PQBP1: variants seen among roughly 807,000 people sequenced by gnomAD.
PQBP1 encodes polyglutamine binding protein 1, also known as polyglutamine-binding protein 1.
In PQBP1, 3 loss-of-function variants were observed where a neutral mutation model predicts 20.9. That is an observed-to-expected ratio of 0.14 (90% CI 0.07 to 0.37). The LOEUF (loss-of-function observed/expected upper bound fraction) is 0.37. Among genes scored for constraint, PQBP1 ranks in the 10% least tolerant of loss-of-function variants. The pLI is 1.00. For synonymous variants in PQBP1, 83 were observed against 93.8 expected (o/e 0.88, Z 0.67); for missense variants, 162 against 240.3 (o/e 0.67, Z 2.16).
At chrX:48,898,146 C>T (rs917640009) in intron 1 of PQBP1, 64 bp downstream of exon 1, 1 of 1,025,324 alleles carries the variant, frequency 9.8e-7, no homozygotes, top group Non-Finnish European at 1.3e-6. Flanking sequence ...CTCCCCCATC[C>T]CAGCGCTTTG....
intron 2 of PQBP1, among the ~76,000 whole-genome samples, chrX:48,899,017 G>A (rs2063358833): frequency 2.3e-5 from 2 of 88,700 alleles, no homozygotes; most frequent in African/African-American, 8.8e-5. Context: ...TCGGTCTGTC[G>A]CCCAGGCTGG....
intron 2 of PQBP1, among the ~76,000 whole-genome samples, chrX:48,900,748 G>T (rs1314587264): frequency 9.2e-6 from 1 of 108,585 alleles, no homozygotes; most frequent in Non-Finnish European, 1.9e-5. Context: ...AGAGACAGGG[G>T]TCTCACTATG....
intron 3 of PQBP1, 161 bp downstream of exon 3, chrX:48,901,462 C>T (rs967993791): frequency 1.4e-5 from 15 of 1,053,560 alleles, no homozygotes; most frequent in South Asian, 2.1e-5. Flanking sequence ...CCTGGCTCCT[C>T]TGGGGTTGGA....
Position 48,902,788 on chromosome X carries a change from GC to G in PQBP1, c.640del (p.Arg214GlyfsTer62). On this transcript the variant is annotated frameshift_variant, in exon 6 of 7. Coordinates refer to ENST00000447146, the MANE Select transcript of PQBP1 (RefSeq NM_001032382.2). LOFTEE classifies it high-confidence loss of function. ...CATGGACCCTAGCTCATACTCAGAC[GC>G]CCCCCGGTAAGTGACAACCCCTCTT... ...DPMDPSSYSDAPRGTWSTGLP... is the reference protein window; with the variant it reads ...DPMDPSSYSDXPRGTWSTGLP... 1 of 1,201,213 alleles carries G rather than the reference GC, an allele frequency of 8.3e-7. No homozygotes were observed. The highest frequency in any genetic ancestry group is 1.1e-6 in the Non-Finnish European group (1 of 890,429).
At chrX:48,902,572 G>C (rs782370136) in intron 5 of PQBP1, 55 bp downstream of exon 5, 11 of 1,178,202 alleles carry the variant, frequency 9.3e-6, no homozygotes, top group Admixed American at 2.5e-5. Flanking sequence ...GGTGCACTGC[G>C]TGAGGAAGCC....
chrX:48,900,011 G>A (rs1557040654), intron 2 of PQBP1, among the ~76,000 whole-genome samples: 2 of 111,440 alleles, frequency 1.8e-5, no homozygotes, highest in African/African-American at 6.5e-5. Flanking sequence ...AGCGCTTTGG[G>A]AGGCGGAGGT....
chrX:48,897,996 G>T lies in PQBP1; in HGVS notation c.-105G>T. On this transcript the variant is annotated 5_prime_UTR_variant, in exon 1 of 7. Transcript: ENST00000447146. ...AAGGTCTCATTCGGTGTTTTGGGAA[G>T]AGAGTCGTGTGGGCCCAGGTATCGT... 1 of 971,751 alleles carries T rather than the reference G, an allele frequency of 1.0e-6. No individual in the cohort carries two copies. Among genetic ancestry groups the T allele is most frequent in the Non-Finnish European group, 1.4e-6 (1 of 739,652 alleles). 80.1% of individuals were successfully genotyped at this position (971,751 alleles called of 1,213,427 possible).
In PQBP1 at chrX:48,902,859, C is replaced by T. The variant is rs1368958446; in HGVS notation, c.641+64C>T. ...ATCCTCCGGCCTCCTTCCTCCATTC[C>T]TCATTGGGACCAGGTGGGCTGTGTC... On this transcript the variant is annotated intron_variant, in intron 6 of 6. Coordinates refer to ENST00000447146, the MANE Select transcript of PQBP1 (RefSeq NM_001032382.2). 7 of 1,182,715 alleles carry T rather than the reference C, an allele frequency of 5.9e-6. No individual in the cohort carries two copies. The African/African-American group carries it at 1.1e-4, about 18-fold the overall frequency.
intron 2 of PQBP1, among the ~76,000 whole-genome samples, 166 bp from the exon 3 acceptor site, chrX:48,901,024 T>A (rs1289390803): frequency 9.0e-6 from 1 of 111,057 alleles, no homozygotes; most frequent in African/African-American, 3.3e-5. Context: ...ATATAGAGAG[T>A]TGGATTTGGA....
At chrX:48,901,430 C>T in intron 3 of PQBP1, 129 bp downstream of exon 3, 2 of 1,129,306 alleles carry the variant, frequency 1.8e-6, no homozygotes, top group Middle Eastern at 6.2e-4. Flanking sequence ...ATCTGCAGGA[C>T]TCAAGTTGCT....
At position 48,902,509 on chromosome X, in the gene PQBP1, G is replaced by A; in HGVS notation, c.569G>A (p.Ser190Asn). 8.3e-7 allele frequency: 1 copy of A among 1,204,076 alleles called. No homozygotes were observed. Among genetic ancestry groups the A allele is most frequent in the African/African-American group, 1.7e-5 (1 of 57,721 alleles). Residue 190 changes from serine (S) to asparagine (N), a missense_variant, in exon 5 of 7, where the codon AGC becomes AAC. Physicochemically the swap from Ser to Asn is conservative, Grantham distance 46 (BLOSUM62 1). Coordinates refer to ENST00000447146, the MANE Select transcript of PQBP1 (RefSeq NM_001032382.2). Reference protein sequence around the residue: ...RREELAPYPKSKKAVSRKDEE... With the variant: ...RREELAPYPKNKKAVSRKDEE... The stretch of plus-strand genomic sequence containing the variant: ...GAGGAGCTGGCTCCCTATCCCAAGA[G>A]CAAGAAGGGTAAGCTGGGCAGAATG...
At chrX:48,898,158 T>G in intron 1 of PQBP1, 76 bp downstream of exon 1, 10 of 1,027,129 alleles carry the variant, frequency 9.7e-6, no homozygotes, top group Non-Finnish European at 1.3e-5. Flanking sequence ...AGCGCTTTGG[T>G]TTCTCCCACC....
At chrX:48,898,123 G>A (rs1557040086) in intron 1 of PQBP1, 41 bp downstream of exon 1, 8 of 1,018,306 alleles carry the variant, frequency 7.9e-6, no homozygotes, top group Non-Finnish European at 7.5e-6. Flanking sequence ...GCTGGAGGAA[G>A]TGCTGCCCTC....
At position 48,902,510 on chromosome X, in the gene PQBP1, C is replaced by T. The variant is rs782107463; in HGVS notation, c.570C>T (p.Ser190=). Residue 190 remains serine, a synonymous_variant, in exon 5 of 7, where the codon AGC becomes AGT. Transcript: ENST00000447146. Reference sequence around the variant, plus strand: ...AGGAGCTGGCTCCCTATCCCAAGAGCAAGAAGGGTAAGCTGGGCAGAATGG... The same window carrying T: ...AGGAGCTGGCTCCCTATCCCAAGAGTAAGAAGGGTAAGCTGGGCAGAATGG... ...RREELAPYPK[S]KKAVSRKDEE... The T allele has an allele frequency of 8.3e-7, 1 of 1,203,646 alleles. No individual in the cohort carries two copies. Among genetic ancestry groups the T allele is most frequent in the Non-Finnish European group, 1.1e-6 (1 of 892,239 alleles).
Position 48,900,702 on chromosome X carries a change from G to A in PQBP1, c.68-488G>A, listed in dbSNP as rs1436379239. ...CTCCTGAGTAGTTGGGACTACAGAC[G>A]TGTGCCACTGTGCCCAGCTAATTTT... On this transcript the variant is annotated intron_variant, in intron 2 of 6. Transcript: ENST00000447146. Among the ~76,000 whole-genome samples, 5 of 110,236 alleles carry A rather than the reference G, an allele frequency of 4.5e-5. No individual in the cohort carries two copies. The South Asian group carries it at 1.5e-3, about 34-fold the overall frequency.
chrX:48,902,059 A>G lies in PQBP1; in HGVS notation c.292+17A>G. The G allele has an allele frequency of 8.3e-7, 1 of 1,211,489 alleles. No individual in the cohort carries two copies. Among genetic ancestry groups the G allele is most frequent in the African/African-American group, 1.7e-5 (1 of 57,692 alleles). On this transcript the variant is annotated intron_variant, in intron 4 of 6. Transcript: ENST00000447146. The stretch of plus-strand genomic sequence containing the variant: ...GTAATGCAGGTGAGTTGGCAGGTAC[A>G]AGCGTGCCTTGAGTGATCTTAGCAG...
At chrX:48,900,112 G>A (rs1439662048) in intron 2 of PQBP1, among the ~76,000 whole-genome samples, 3 of 107,461 alleles carry the variant, frequency 2.8e-5, no homozygotes, top group South Asian at 4.2e-4. Flanking sequence ...TTAGCCGGGC[G>A]TGGTGCCAGA....
intron 1 of PQBP1, 70 bp from the exon 2 acceptor site, chrX:48,898,422 G>A: frequency 1.0e-6 from 1 of 980,924 alleles, no homozygotes; most frequent in Non-Finnish European, 1.4e-6. Context: ...TTTACGGGAG[G>A]CGCTTGGTTA....
At chrX:48,900,313 T>TGA in intron 2 of PQBP1, among the ~76,000 whole-genome samples, 1 of 65,500 alleles carries the variant, frequency 1.5e-5, no homozygotes, top group Admixed American at 1.8e-4. Flanking sequence ...TTTTTTTTTT[T>TGA]GAGAGAGTCT....
Sources: gnomAD v4.1 joint callset for allele counts (sites outside exome capture counted in the v4.1 genomes callset) on GRCh38, gnomAD v4.1.1 for gene constraint, MANE v1.5 for transcripts, NCBI Gene and HGNC (gene_info 2026-07-23, HGNC 2026-07-21) for gene names.